The following PHF21A variants were observed in gnomAD, a reference collection of about 807,000 sequenced individuals.
PHF21A encodes the protein BHC80a.
A neutral mutation model predicts 82.5 loss-of-function variants in PHF21A; 11 were observed. The observed-to-expected ratio is 0.13, with a 90% CI of 0.08 to 0.22. The LOEUF is 0.22. PHF21A is among the 10% of genes least tolerant of loss of function. The pLI is 1.00. For synonymous variants in PHF21A, 297 were observed against 302.8 expected, an observed-to-expected ratio of 0.98 and a Z score of 0.20; for missense variants, 579 against 837.8, an observed-to-expected ratio of 0.69 and a Z score of 3.81.
intron 6 of PHF21A, among the ~76,000 whole-genome samples, chr11:46,070,791 A>C (rs1404831854): frequency 1.3e-5 from 2 of 152,254 alleles, no homozygotes; most frequent in Non-Finnish European, 2.9e-5. Context: ...GGAATACTAC[A>C]ATAGACTTGT....
Position 46,093,887 on chromosome 11 carries a change from G to A in PHF21A, c.-236-1664C>T, listed in dbSNP as rs1593133204. On this transcript the variant is annotated intron_variant, in intron 1 of 18. Transcript: ENST00000676320. ...ACTTTCTGGAACTGTTTTCATCCAA[G>A]TTGTTGATTAGGAAGTAAAATATTA... Among the ~76,000 whole-genome samples, 3 of 152,032 alleles carry A rather than the reference G, an allele frequency of 2.0e-5. No individual in the cohort carries two copies. The South Asian group carries it at 6.2e-4, about 32-fold the overall frequency.
At chr11:46,038,153 C>G (rs1464536766) in intron 6 of PHF21A, among the ~76,000 whole-genome samples, 1 of 145,760 alleles carries the variant, frequency 6.9e-6, no homozygotes, top group Admixed American at 6.9e-5. Flanking sequence ...TGGAGTTTTG[C>G]TTTTTTTTTG....
intron 5 of PHF21A, among the ~76,000 whole-genome samples, chr11:46,078,923 AGT>A (rs1482162370): frequency 6.6e-6 from 1 of 152,154 alleles, no homozygotes. Context: ...CCAAAATAAT[AGT>A]AACAAAGATG....
At chr11:46,049,222 A>T (rs1353862767) in intron 6 of PHF21A, among the ~76,000 whole-genome samples, 1 of 152,248 alleles carries the variant, frequency 6.6e-6, no homozygotes, top group African/African-American at 2.4e-5. Context: ...CTCTAAGAGA[A>T]AGTAATACAG....
chr11:46,036,874 T>TA (rs937860218), intron 6 of PHF21A, among the ~76,000 whole-genome samples: 3 of 152,258 alleles, frequency 2.0e-5, no homozygotes, highest in Admixed American at 6.5e-5. Flanking sequence ...TTTTTATGTT[T>TA]AAAAAAAATT....
intron 6 of PHF21A, among the ~76,000 whole-genome samples, chr11:46,008,072 C>T (rs893967963): frequency 5.9e-5 from 9 of 152,174 alleles, no homozygotes; most frequent in East Asian, 3.8e-4. Context: ...AAAATTAACA[C>T]GAAGTGAAGT....
intron 6 of PHF21A, among the ~76,000 whole-genome samples, chr11:46,051,705 G>A (rs1038744812): frequency 6.6e-6 from 1 of 152,126 alleles, no homozygotes; most frequent in Non-Finnish European, 1.5e-5. Context: ...TCAACTCAAG[G>A]GGGTGAGGAC....
intron 6 of PHF21A, among the ~76,000 whole-genome samples, chr11:45,994,868 T>G (rs1257310102): frequency 6.6e-6 from 1 of 152,230 alleles, no homozygotes; most frequent in Non-Finnish European, 1.5e-5. Flanking sequence ...GCTTTGAATG[T>G]CTCCCTGGTA....
At position 45,948,812 on chromosome 11, in the gene PHF21A, G is replaced by A. The variant is rs2091684464; in HGVS notation, c.1288+74C>T. On this transcript the variant is annotated intron_variant, in intron 14 of 18. Coordinates refer to ENST00000676320, the MANE Select transcript of PHF21A (RefSeq NM_001352027.3). ...GGAGTTAGGTCCTATAATGATGGGAGGAGGGAAGGAGAAGAAACACACACA... is the reference window on the plus strand; with the variant it reads ...GGAGTTAGGTCCTATAATGATGGGAAGAGGGAAGGAGAAGAAACACACACA... The A allele has an allele frequency of 1.1e-4, 116 of 1,013,444 alleles. 1 individual carries two copies. In the South Asian group the frequency reaches 1.3e-3, roughly 11 times the overall value. The allele number at this position is 1,013,444 out of a possible 1,614,324, so 62.8% of individuals were successfully genotyped here. A position where few individuals can be genotyped will look rare whatever the true frequency, so the allele number is the denominator to read the frequency against.
intron 1 of PHF21A, among the ~76,000 whole-genome samples, chr11:46,110,755 G>T (rs2135998192): frequency 6.6e-6 from 1 of 151,834 alleles, no homozygotes; most frequent in African/African-American, 2.4e-5. Flanking sequence ...CACATCTAAG[G>T]AATCTATTTA....
At chr11:45,972,368 G>A (rs1278298970) in intron 7 of PHF21A, among the ~76,000 whole-genome samples, 3 of 152,064 alleles carry the variant, frequency 2.0e-5, no homozygotes, top group African/African-American at 7.2e-5. Context: ...AACATTTCAG[G>A]AACATGAAAA....
chr11:46,100,251 G>C, intron 1 of PHF21A, among the ~76,000 whole-genome samples: 1 of 151,778 alleles, frequency 6.6e-6, no homozygotes, highest in East Asian at 1.9e-4. Context: ...TGAAATCAGG[G>C]CTTCCATTAA....
At chr11:45,938,397 T>C (rs2089615580) in intron 15 of PHF21A, 85 bp from the exon 16 acceptor site, 2 of 1,103,532 alleles carry the variant, frequency 1.8e-6, no homozygotes, top group South Asian at 1.5e-5. Context: ...TGCATATAAA[T>C]GTTTTAGGAC....
chr11:45,978,602 A>C (rs543427132), intron 7 of PHF21A, among the ~76,000 whole-genome samples: 1 of 152,316 alleles, frequency 6.6e-6, no homozygotes, highest in South Asian at 2.1e-4. Context: ...TGGTTGTAAG[A>C]GGTATCCACG....
At chr11:45,976,632 C>T (rs138298718) in intron 7 of PHF21A, among the ~76,000 whole-genome samples, 1,690 of 152,094 alleles carry the variant, frequency 0.011, 25 homozygotes, top group African/African-American at 0.033. Flanking sequence ...ACTTGAGCTC[C>T]GGAGTTTGAG....
At chr11:45,941,561 C>T (rs1465007547) in intron 15 of PHF21A, among the ~76,000 whole-genome samples, 1 of 151,994 alleles carries the variant, frequency 6.6e-6, no homozygotes, top group East Asian at 1.9e-4. Flanking sequence ...GAAAGAGTCT[C>T]GGGGACTCCC....
intron 6 of PHF21A, among the ~76,000 whole-genome samples, chr11:45,989,306 G>A (rs191696160): frequency 1.3e-5 from 2 of 152,188 alleles, no homozygotes; most frequent in Non-Finnish European, 2.9e-5. Flanking sequence ...GTTCAGCATT[G>A]TAGAAGAAAA....
chr11:45,957,809 T>C (rs1349333980), intron 10 of PHF21A, among the ~76,000 whole-genome samples: 2 of 96,136 alleles, frequency 2.1e-5, no homozygotes, highest in African/African-American at 7.8e-5. Context: ...ATAAATGAAA[T>C]AGAGAAGAAC....
At chr11:45,987,123 G>A (rs573874955) in intron 6 of PHF21A, among the ~76,000 whole-genome samples, 6 of 152,100 alleles carry the variant, frequency 3.9e-5, no homozygotes, top group Non-Finnish European at 1.5e-5. Flanking sequence ...GCTCATGCCT[G>A]TAGTCCCAGC....
Sources: gnomAD v4.1 joint callset for allele counts (sites outside exome capture counted in the v4.1 genomes callset) on GRCh38, gnomAD v4.1.1 for gene constraint, MANE v1.5 for transcripts, NCBI Gene and HGNC (gene_info 2026-07-23, HGNC 2026-07-21) for gene names.